The following CNTN5 variants were observed in gnomAD, a reference collection of about 807,000 sequenced individuals.
CNTN5 encodes contactin-5.
CNTN5 carries 77 observed loss-of-function variants against 129.1 expected under a neutral mutation model. The observed-to-expected ratio is 0.60, with a 90% CI of 0.50 to 0.72. The LOEUF is 0.72. Ranked by LOEUF, CNTN5 falls within the 30% of genes least tolerant of loss-of-function variation. The pLI, the probability that CNTN5 is intolerant of heterozygous loss-of-function variation, is 0.00. For missense variants in CNTN5, 1,478 were observed against 1,328.8 expected (o/e 1.11, Z -1.75); for synonymous variants, 509 against 465.6 (o/e 1.09, Z -1.20).
intron 3 of CNTN5, among the ~76,000 whole-genome samples, chr11:99,727,603 GA>G (rs11298675): frequency 0.61 from 91,804 of 151,366 alleles, 28,321 homozygotes; most frequent in East Asian, 0.83. Context: ...GTCCTTTAAT[GA>G]AAAAAATCAA....
intron 3 of CNTN5, among the ~76,000 whole-genome samples, chr11:99,654,519 G>C (rs749514039): frequency 6.6e-6 from 1 of 152,046 alleles, no homozygotes; most frequent in African/African-American, 2.4e-5. Flanking sequence ...TGGTCCTTCA[G>C]AAATCACATT....
intron 3 of CNTN5, among the ~76,000 whole-genome samples, chr11:99,654,250 T>A (rs537597108): frequency 6.6e-6 from 1 of 152,220 alleles, no homozygotes; most frequent in South Asian, 2.1e-4. Flanking sequence ...TTAGAATTGT[T>A]TAATTTATGG....
chr11:100,282,576 C>T (rs1950662986), intron 18 of CNTN5, among the ~76,000 whole-genome samples: 1 of 152,218 alleles, frequency 6.6e-6, no homozygotes, highest in Admixed American at 6.5e-5. Context: ...CCTGCTATAA[C>T]CACTTGCTGG....
chr11:99,273,155 G>A (rs942156531), intron 1 of CNTN5, among the ~76,000 whole-genome samples: 2 of 151,710 alleles, frequency 1.3e-5, no homozygotes, highest in Non-Finnish European at 2.9e-5. Flanking sequence ...TATGAGGCGA[G>A]CGGTCTAAAT....
At chr11:99,031,753 A>G (rs1020372272) in intron 1 of CNTN5, among the ~76,000 whole-genome samples, 1 of 150,928 alleles carries the variant, frequency 6.6e-6, no homozygotes, top group Non-Finnish European at 1.5e-5. Flanking sequence ...TTCATGGCTT[A>G]GTTTTTCTTT....
chr11:100,190,591 A>C (rs901527256), intron 13 of CNTN5, among the ~76,000 whole-genome samples: 1 of 152,144 alleles, frequency 6.6e-6, no homozygotes, highest in Non-Finnish European at 1.5e-5. Context: ...AGTGCAGTGC[A>C]AGCAGCCCAG....
At chr11:99,112,942 C>A (rs894185024) in intron 1 of CNTN5, among the ~76,000 whole-genome samples, 1 of 151,860 alleles carries the variant, frequency 6.6e-6, no homozygotes, top group Non-Finnish European at 1.5e-5. Flanking sequence ...CTAAACGTTA[C>A]AGTGAGGTGA....
chr11:99,055,518 C>T (rs567586194), intron 1 of CNTN5, among the ~76,000 whole-genome samples: 8 of 151,902 alleles, frequency 5.3e-5, no homozygotes, highest in South Asian at 2.1e-4. Flanking sequence ...ATTGAGGAGA[C>T]GTGCCCATTG....
chr11:100,223,015 G>A (rs906737087), intron 15 of CNTN5, among the ~76,000 whole-genome samples: 4 of 152,078 alleles, frequency 2.6e-5, no homozygotes, highest in Admixed American at 6.6e-5. Flanking sequence ...AAAATCAAAG[G>A]TTTTAAAGTT....
At chr11:99,098,916 T>C (rs191722305) in intron 1 of CNTN5, among the ~76,000 whole-genome samples, 3 of 152,138 alleles carry the variant, frequency 2.0e-5, no homozygotes, top group Admixed American at 1.3e-4. Context: ...ACAGGTGTTA[T>C]CGCACTGGTA....
chr11:99,345,041 T>A (rs1937731107), intron 2 of CNTN5, among the ~76,000 whole-genome samples: 1 of 152,140 alleles, frequency 6.6e-6, no homozygotes. Context: ...CCCCTGGACG[T>A]GGAACCTTTT....
chr11:99,265,179 G>A (rs970689323), intron 1 of CNTN5, among the ~76,000 whole-genome samples: 10 of 150,622 alleles, frequency 6.6e-5, no homozygotes, highest in African/African-American at 9.7e-5. Flanking sequence ...AAGGCATATA[G>A]AGAAAAATTT....
intron 1 of CNTN5, among the ~76,000 whole-genome samples, chr11:99,309,904 C>T (rs772911980): frequency 2.6e-5 from 4 of 151,900 alleles, no homozygotes; most frequent in Admixed American, 6.6e-5. Context: ...GAATATAGCT[C>T]GATTGTATAA....
In CNTN5 at chr11:100,042,014, A is replaced by G. The variant is rs17094216; in HGVS notation, c.981-19198A>G. Reference sequence around the variant, plus strand: ...GTTAATTTATTATCCCTGAAGGCCAATTATTCTAATCATTTGGAGACTGCG... The same window carrying G: ...GTTAATTTATTATCCCTGAAGGCCAGTTATTCTAATCATTTGGAGACTGCG... On this transcript the variant is annotated intron_variant, in intron 9 of 24. Coordinates refer to ENST00000524871, the MANE Select transcript of CNTN5 (RefSeq NM_014361.4). 8.1e-3 allele frequency among the ~76,000 whole-genome samples: 1,228 copies of G among 152,242 alleles called. 12 individuals carry two copies. The highest frequency in any genetic ancestry group is 0.025 in the African/African-American group (1,039 of 41,546).
At chr11:99,260,768 A>G (rs1862589764) in intron 1 of CNTN5, among the ~76,000 whole-genome samples, 2 of 151,932 alleles carry the variant, frequency 1.3e-5, no homozygotes. Flanking sequence ...TGACTAATTT[A>G]AGCCAATTTG....
At chr11:100,105,351 G>A (rs980993281) in intron 13 of CNTN5, among the ~76,000 whole-genome samples, 3 of 152,038 alleles carry the variant, frequency 2.0e-5, no homozygotes, top group Admixed American at 2.0e-4. Flanking sequence ...GAGAGAATTT[G>A]CATCTGTGTG....
chr11:99,287,624 A>G (rs547706857), intron 1 of CNTN5, among the ~76,000 whole-genome samples: 1 of 152,236 alleles, frequency 6.6e-6, no homozygotes, highest in Admixed American at 6.5e-5. Context: ...GTTTCTATGA[A>G]TTACTATGAG....
chr11:100,176,910 T>C (rs151077274), intron 13 of CNTN5, among the ~76,000 whole-genome samples: 17 of 151,798 alleles, frequency 1.1e-4, no homozygotes, highest in African/African-American at 4.1e-4. Flanking sequence ...CAATAAAGCA[T>C]ATATTGAGGA....
intron 3 of CNTN5, among the ~76,000 whole-genome samples, chr11:99,726,368 C>A (rs536994507): frequency 6.6e-6 from 1 of 152,040 alleles, no homozygotes; most frequent in East Asian, 1.9e-4. Flanking sequence ...TTATGTTTAC[C>A]CCATTGTTGC....
Sources: allele counts gnomAD v4.1 joint callset (sites outside exome capture counted in the v4.1 genomes callset), GRCh38; gene constraint gnomAD v4.1.1; transcripts MANE v1.5; gene names NCBI Gene and HGNC (gene_info 2026-07-23, HGNC 2026-07-21).